WDR25: variants seen among roughly 807,000 people sequenced by gnomAD.
The protein encoded by WDR25 is WD repeat domain 25, also known as WD repeat-containing protein 25.
A neutral mutation model predicts 47.7 loss-of-function variants in WDR25; 35 were observed. That is an observed-to-expected ratio of 0.73 (90% confidence interval 0.56 to 0.97). The LOEUF (loss-of-function observed/expected upper bound fraction) is 0.97, where lower values mean the gene tolerates loss of function less well. Ranked by LOEUF, WDR25 falls within the 50% of genes least tolerant of loss-of-function variation. The probability of loss-of-function intolerance (pLI) is 0.00; values close to 1 mark genes in which losing one functional copy is unlikely to be tolerated. For missense variants in WDR25, 634 were observed against 704.7 expected, an observed-to-expected ratio of 0.90 and a Z score of 1.14; for synonymous variants, 248 against 278.9, an observed-to-expected ratio of 0.89 and a Z score of 1.10.
chr14:100,394,432 C>T (rs574449357), intron 2 of WDR25, among the ~76,000 whole-genome samples: 11 of 152,202 alleles, frequency 7.2e-5, no homozygotes, highest in Non-Finnish European at 1.3e-4. Context: ...GCTGTCTCTG[C>T]TGTGAGCAGA....
intron 2 of WDR25, among the ~76,000 whole-genome samples, chr14:100,447,691 G>A (rs536207159): frequency 2.0e-4 from 31 of 152,274 alleles, no homozygotes; most frequent in African/African-American, 7.5e-4. Flanking sequence ...ACACTTCTGT[G>A]GCCTAATGAT....
intron 2 of WDR25, among the ~76,000 whole-genome samples, chr14:100,394,719 A>G (rs1897218798): frequency 6.6e-6 from 1 of 152,226 alleles, no homozygotes; most frequent in Admixed American, 6.5e-5. Context: ...GAGGCAGAGG[A>G]CAAGAAAAGC....
Position 100,529,988 on chromosome 14 carries a change from C to G in WDR25, c.1582C>G (p.Pro528Ala), listed in dbSNP as rs752609516. ...CGGCACCACCTATCACCCCGTGCTG[C>G]CCTCCGTCCTCGCCACCTGCTCCTG... ...CVGTTYHPVL[P>A]SVLATCSWGG... Residue 528 changes from proline (P) to alanine (A), a missense_variant, in exon 7 of 7, where the codon CCC (proline) becomes GCC (alanine). By Grantham distance (27) the Pro-to-Ala change is conservative. Transcript: ENST00000402312. This position sits in a 1 kb window ranked among gnomAD's most constrained non-coding sequence, Gnocchi z 5.1. The G allele has an allele frequency of 1.2e-6, 2 of 1,613,286 alleles. No individual in the cohort carries two copies. The highest frequency in any genetic ancestry group is 8.5e-7 in the Non-Finnish European group (1 of 1,179,942).
rs1457420003 is a variant in WDR25 at position 100,488,745 on chromosome 14, G to A, written c.1101+4621G>A. 2.0e-5 allele frequency among the ~76,000 whole-genome samples: 3 copies of A among 152,206 alleles called. 1 individual carries two copies. Among genetic ancestry groups the A allele is most frequent in the African/African-American group, 7.2e-5 (3 of 41,464 alleles). ...AGCTAGGGACCAAAGGGCCTCTGAAGTTAAAAGTCCCTTGCTTCTCTCATT... is the reference window on the plus strand; with the variant it reads ...AGCTAGGGACCAAAGGGCCTCTGAAATTAAAAGTCCCTTGCTTCTCTCATT... On this transcript the variant is annotated intron_variant, in intron 4 of 6. Transcript: ENST00000402312. The surrounding 1 kb of genome is among the most constrained non-coding windows in gnomAD (Gnocchi z 4.2).
At chr14:100,459,869 T>G (rs1899320665) in intron 2 of WDR25, among the ~76,000 whole-genome samples, 1 of 139,842 alleles carries the variant, frequency 7.2e-6, no homozygotes, top group African/African-American at 2.7e-5. Flanking sequence ...TGGATATATA[T>G]ATATATCCGT....
intron 2 of WDR25, among the ~76,000 whole-genome samples, chr14:100,421,577 G>C (rs1898027437): frequency 6.6e-6 from 1 of 152,140 alleles, no homozygotes; most frequent in Admixed American, 6.5e-5. Context: ...TGCACCACCA[G>C]GTTTTAGTTA....
Position 100,457,832 on chromosome 14 carries a change from C to T in WDR25, c.823-10189C>T, listed in dbSNP as rs61511639. 4.9e-3 allele frequency among the ~76,000 whole-genome samples: 750 copies of T among 152,172 alleles called. 10 individuals are homozygous for T. Among genetic ancestry groups the T allele is most frequent in the African/African-American group, 0.017 (705 of 41,498 alleles). ...TTGTGTATATTATTGTTACAGTTCTCATAGGGGAAGTGATAATATTACTTG... is the reference window on the plus strand; with the variant it reads ...TTGTGTATATTATTGTTACAGTTCTTATAGGGGAAGTGATAATATTACTTG... On this transcript the variant is annotated intron_variant, in intron 2 of 6. Transcript: ENST00000402312.
chr14:100,382,210 A>G, intron 2 of WDR25: 1 of 702,702 alleles, frequency 1.4e-6, no homozygotes, highest in Non-Finnish European at 2.6e-6. Context: ...GCCGTGGACA[A>G]GTACACAGAC....
chr14:100,518,540 A>G (rs1219644750), intron 4 of WDR25, among the ~76,000 whole-genome samples: 10 of 152,090 alleles, frequency 6.6e-5, no homozygotes, highest in Non-Finnish European at 1.3e-4. Context: ...AGTTTACTCA[A>G]TATTTCCTTA....
At chr14:100,391,607 C>T (rs1000323517) in intron 2 of WDR25, among the ~76,000 whole-genome samples, 1 of 151,982 alleles carries the variant, frequency 6.6e-6, no homozygotes, top group African/African-American at 2.4e-5. Context: ...TCTCTCCACC[C>T]AGAGGCAATG....
intron 4 of WDR25, chr14:100,504,588 T>G (rs1355631074): frequency 1.3e-5 from 2 of 152,198 alleles, no homozygotes; most frequent in Non-Finnish European, 2.9e-5. Context: ...CATAGTCCAT[T>G]GTATGGACAT....
intron 4 of WDR25, among the ~76,000 whole-genome samples, chr14:100,516,281 A>G (rs1321297176): frequency 1.3e-5 from 2 of 152,120 alleles, no homozygotes; most frequent in Non-Finnish European, 2.9e-5. Context: ...ATCCAATGCC[A>G]TGTGTATTTC....
chr14:100,445,921 A>C (rs1208270142), intron 2 of WDR25, among the ~76,000 whole-genome samples: 1 of 152,202 alleles, frequency 6.6e-6, no homozygotes, highest in Non-Finnish European at 1.5e-5. Flanking sequence ...TGCCCCTCCA[A>C]GAAGACACGG....
rs1317768582 is a variant in WDR25, at chr14:100,389,571, T to C, written c.822+7825T>C. Among the ~76,000 whole-genome samples, 4 of 152,164 alleles carry C rather than the reference T, an allele frequency of 2.6e-5. No homozygotes were observed. The East Asian group carries it at 7.7e-4, about 29-fold the overall frequency. Reference sequence around the variant, plus strand: ...CCCTGAGGGGCAGTCAGAAGGTACATGTGAGTGAGACCAACTGTGTCAGCC... The same window carrying C: ...CCCTGAGGGGCAGTCAGAAGGTACACGTGAGTGAGACCAACTGTGTCAGCC... On this transcript the variant is annotated intron_variant, in intron 2 of 6. Coordinates refer to ENST00000402312, the MANE Select transcript of WDR25 (RefSeq NM_001161476.3).
chr14:100,520,099 AT>A (rs1281956258), intron 4 of WDR25, among the ~76,000 whole-genome samples: 20 of 149,192 alleles, frequency 1.3e-4, no homozygotes, highest in African/African-American at 4.9e-4. Flanking sequence ...TATAGTGTAT[AT>A]ATATATATAG....
chr14:100,511,420 T>G (rs1273154496), intron 4 of WDR25, among the ~76,000 whole-genome samples: 2 of 152,254 alleles, frequency 1.3e-5, no homozygotes, highest in Non-Finnish European at 2.9e-5. Context: ...TGGTTGTTTC[T>G]TTGTAGATTC....
At position 100,507,651 on chromosome 14, in the gene WDR25, G is replaced by GTT. The variant is rs763908066; in HGVS notation, c.1102-18205_1102-18204dup. Among the ~76,000 whole-genome samples the GTT allele has an allele frequency of 6.2e-3, 810 of 130,756 alleles. 10 individuals carry two copies. Among genetic ancestry groups the GTT allele is most frequent in the African/African-American group, 0.019 (694 of 36,284 alleles). 85.8% of individuals were successfully genotyped at this position (130,756 alleles called of 152,430 possible). On this transcript the variant is annotated intron_variant, in intron 4 of 6. Transcript: ENST00000402312. ...GTTAGATGTATTCCTAGGTATTTGT[G>GTT]TTTTTTTTTTTTTTTATGGCTGTTG...
intron 5 of WDR25, among the ~76,000 whole-genome samples, chr14:100,528,106 G>A (rs1190504362): frequency 1.3e-5 from 2 of 152,142 alleles, no homozygotes; most frequent in African/African-American, 2.4e-5. Flanking sequence ...TGTGGAGGTG[G>A]GGAGATGGGC....
At position 100,529,634 on chromosome 14, in the gene WDR25, T is replaced by G; in HGVS notation, c.1414-186T>G. 1.5e-6 allele frequency: 1 copy of G among 664,956 alleles called. No homozygotes were observed. The highest frequency in any genetic ancestry group is 2.5e-6 in the Non-Finnish European group (1 of 396,300). 41.2% of individuals were successfully genotyped at this position (664,956 alleles called of 1,614,324 possible). ...TGGATCTGCTGAACTGGCCTTGGGA[T>G]GTGGGCCCGCATCAGGGCTCTACAG... is the stretch of plus-strand genomic sequence containing the variant. On this transcript the variant is annotated intron_variant, in intron 6 of 6. Coordinates refer to ENST00000402312, the MANE Select transcript of WDR25 (RefSeq NM_001161476.3). This position sits in a 1 kb window ranked among gnomAD's most constrained non-coding sequence, Gnocchi z 5.1.
Sources: allele counts gnomAD v4.1 joint callset (sites outside exome capture counted in the v4.1 genomes callset), GRCh38; gene constraint gnomAD v4.1.1; non-coding constraint Gnocchi (gnomAD v3.1); transcripts MANE v1.5; gene names NCBI Gene and HGNC (gene_info 2026-07-23, HGNC 2026-07-21).